Variants in PARD3 observed in about 807,000 individuals in gnomAD.
PARD3 encodes the protein par-3 family cell polarity regulator, also known as partitioning defective 3 homolog.
A neutral mutation model predicts 155.4 loss-of-function variants in PARD3; 75 were observed. The ratio of observed to expected loss-of-function variants is 0.48; its 90% CI spans 0.40 to 0.58. The LOEUF (loss-of-function observed/expected upper bound fraction) is 0.58, where lower values mean the gene tolerates loss of function less well. PARD3 is among the 20% of genes least tolerant of loss of function. The pLI is 0.00. For missense variants in PARD3, 1,642 were observed against 1,721.7 expected (o/e 0.95, Z 0.82); for synonymous variants, 576 against 610.5 (o/e 0.94, Z 0.83).
intron 2 of PARD3, among the ~76,000 whole-genome samples, chr10:34,660,650 T>A (rs1282153692): frequency 6.6e-6 from 1 of 152,064 alleles, no homozygotes; most frequent in South Asian, 2.1e-4. Context: ...CTGACCTGAA[T>A]GCACACCAAC....
chr10:34,574,632 GAGTTA>G (rs1809217434), intron 2 of PARD3, among the ~76,000 whole-genome samples: 1 of 152,204 alleles, frequency 6.6e-6, no homozygotes, highest in South Asian at 2.1e-4. Flanking sequence ...AAAAATGAGG[GAGTTA>G]AGCCCAATTC....
intron 1 of PARD3, among the ~76,000 whole-genome samples, chr10:34,714,715 C>G (rs1386235801): frequency 6.6e-6 from 1 of 151,990 alleles, no homozygotes; most frequent in Non-Finnish European, 1.5e-5. Context: ...CATAAGATCA[C>G]AGGGTGCTCC....
At chr10:34,249,836 G>A (rs1954186622) in intron 22 of PARD3, among the ~76,000 whole-genome samples, 2 of 152,200 alleles carry the variant, frequency 1.3e-5, no homozygotes, top group Non-Finnish European at 1.5e-5. Context: ...CAGCACAGAT[G>A]CCTGGGATAG....
At chr10:34,153,896 C>T (rs1948884542) in intron 22 of PARD3, among the ~76,000 whole-genome samples, 1 of 152,114 alleles carries the variant, frequency 6.6e-6, no homozygotes, top group Non-Finnish European at 1.5e-5. Context: ...CAATTAAAGC[C>T]CTTGTGCAAT....
intron 2 of PARD3, among the ~76,000 whole-genome samples, chr10:34,605,982 ATATATATATATCTCC>A (rs1211033430): frequency 0.074 from 67 of 900 alleles, 6 homozygotes; most frequent in South Asian, 0.5. Flanking sequence ...TATATCTCCT[ATATATATATATCTCC>A]TATATATATA....
chr10:34,269,642 G>T lies in PARD3; in HGVS notation c.3419+15C>A. 1 of 1,610,582 alleles carries T rather than the reference G, an allele frequency of 6.2e-7. No individual in the cohort carries two copies. Among genetic ancestry groups the T allele is most frequent in the East Asian group, 2.2e-5 (1 of 44,764 alleles). On this transcript the variant is annotated intron_variant, in intron 22 of 24. Coordinates refer to ENST00000374788, the MANE Select transcript of PARD3 (RefSeq NM_001184785.2). ...CTGATTTGGAAGCAATACCACGATTGCCCCTGGCGCCTACCTGTCTACAGG... is the reference window on the plus strand; with the variant it reads ...CTGATTTGGAAGCAATACCACGATTTCCCCTGGCGCCTACCTGTCTACAGG...
chr10:34,620,024 ACAC>A (rs1158220043), intron 2 of PARD3, among the ~76,000 whole-genome samples: 30 of 152,032 alleles, frequency 2.0e-4, no homozygotes, highest in African/African-American at 7.2e-4. Flanking sequence ...AAGAACACAC[ACAC>A]CACCACCACC....
At chr10:34,526,275 G>C (rs1437737339) in intron 2 of PARD3, among the ~76,000 whole-genome samples, 2 of 151,894 alleles carry the variant, frequency 1.3e-5, no homozygotes, top group Non-Finnish European at 2.9e-5. Context: ...AAGCAACTGG[G>C]GGTGAAATAC....
chr10:34,608,251 C>T (rs913550424), intron 2 of PARD3, among the ~76,000 whole-genome samples: 1 of 152,198 alleles, frequency 6.6e-6, no homozygotes, highest in Non-Finnish European at 1.5e-5. Context: ...CACCCACAAC[C>T]GTTTCTCCAT....
At chr10:34,645,537 G>A (rs1180826770) in intron 2 of PARD3, among the ~76,000 whole-genome samples, 2 of 152,248 alleles carry the variant, frequency 1.3e-5, no homozygotes, top group Admixed American at 6.5e-5. Context: ...GCAAAATAAA[G>A]CCTCTACATT....
intron 2 of PARD3, among the ~76,000 whole-genome samples, chr10:34,637,980 A>G (rs543577820): frequency 6.6e-6 from 1 of 152,374 alleles, no homozygotes; most frequent in East Asian, 1.9e-4. Context: ...AAGTGTACAC[A>G]TAAACAAGAC....
intron 5 of PARD3, among the ~76,000 whole-genome samples, chr10:34,408,836 AGATAT>A: frequency 6.6e-6 from 1 of 150,600 alleles, no homozygotes; most frequent in African/African-American, 2.4e-5. Context: ...ATATTAGATA[AGATAT>A]AATAATATAA....
At chr10:34,650,888 G>C (rs2489658) in intron 2 of PARD3, among the ~76,000 whole-genome samples, 105 of 152,074 alleles carry the variant, frequency 6.9e-4, no homozygotes, top group Non-Finnish European at 1.3e-3. Context: ...GCATATGCCT[G>C]TAATCCCAGC....
chr10:34,778,030 C>T (rs1839808014), intron 1 of PARD3, among the ~76,000 whole-genome samples: 1 of 152,196 alleles, frequency 6.6e-6, no homozygotes, highest in Admixed American at 6.5e-5. Context: ...ACCACTGTCC[C>T]TCCATATCCG....
At chr10:34,142,516 A>G (rs1349448837) in intron 22 of PARD3, among the ~76,000 whole-genome samples, 1 of 151,802 alleles carries the variant, frequency 6.6e-6, no homozygotes, top group African/African-American at 2.4e-5. Flanking sequence ...GCCTGGGTGA[A>G]AGACCGAGAC....
chr10:34,701,192 G>A (rs987922407), intron 1 of PARD3, among the ~76,000 whole-genome samples: 2 of 152,128 alleles, frequency 1.3e-5, no homozygotes, highest in Non-Finnish European at 2.9e-5. Flanking sequence ...AAGGGTGTGA[G>A]CAGCAGGGAA....
At chr10:34,709,945 G>T (rs113450836) in intron 1 of PARD3, among the ~76,000 whole-genome samples, 1,934 of 152,026 alleles carry the variant, frequency 0.013, 40 homozygotes, top group African/African-American at 0.044. Context: ...TGAGAATACA[G>T]GAAGCCAGCA....
chr10:34,499,132 A>G (rs2080495624), intron 3 of PARD3, among the ~76,000 whole-genome samples: 1 of 152,208 alleles, frequency 6.6e-6, no homozygotes. Flanking sequence ...TTTTTTCTCT[A>G]AGTACATGTT....
At chr10:34,121,420 G>C (rs1023229746) in intron 23 of PARD3, among the ~76,000 whole-genome samples, 1 of 152,218 alleles carries the variant, frequency 6.6e-6, no homozygotes, top group African/African-American at 2.4e-5. Context: ...AACAGGCATA[G>C]TCTGAGTGAG....
Sources: allele counts gnomAD v4.1 joint callset (sites outside exome capture counted in the v4.1 genomes callset), GRCh38; gene constraint gnomAD v4.1.1; transcripts MANE v1.5; gene names NCBI Gene and HGNC (gene_info 2026-07-23, HGNC 2026-07-21).